The following CR1L variants were observed in gnomAD, a reference collection of about 807,000 sequenced individuals.
CR1L encodes complement C3b/C4b receptor 1 like, also known as complement component receptor 1-like protein.
Under a neutral mutation model 62.3 loss-of-function variants are expected in CR1L, and 59 were observed. The ratio of observed to expected loss-of-function variants is 0.95; its 90% CI spans 0.77 to 1.18. The LOEUF is 1.18. Ranked by LOEUF, CR1L falls within the 50% of genes most tolerant of loss-of-function variation. The pLI is 0.00. For missense variants in CR1L, 700 were observed against 702.8 expected (o/e 1.00, Z 0.04); for synonymous variants, 279 against 248.7 (o/e 1.12, Z -1.15).
At chr1:207,657,417 T>G (rs1663333979) in intron 1 of CR1L, 1 of 607,520 alleles carries the variant, frequency 1.6e-6, no homozygotes, top group Non-Finnish European at 2.9e-6. Flanking sequence ...ATGTGCTTCC[T>G]CCTCCTGTGT....
chr1:207,718,013 T>G (rs1252029143), intron 11 of CR1L, among the ~76,000 whole-genome samples: 1 of 152,198 alleles, frequency 6.6e-6, no homozygotes, highest in African/African-American at 2.4e-5. Context: ...ATGTACTCTT[T>G]TATTCTACCC....
intron 3 of CR1L, among the ~76,000 whole-genome samples, chr1:207,680,223 G>A (rs1663774063): frequency 6.6e-6 from 1 of 152,172 alleles, no homozygotes. Context: ...GAGTATATAG[G>A]AAATCTCTGT....
At position 207,655,604 on chromosome 1, in the gene CR1L, C is replaced by A. The variant is rs144153173; in HGVS notation, c.97+10274C>A. Among the ~76,000 whole-genome samples, 30 of 152,232 alleles carry A rather than the reference C, an allele frequency of 2.0e-4. No individual in the cohort carries two copies. The East Asian group carries it at 5.0e-3, about 26-fold the overall frequency. Reference sequence around the variant, plus strand: ...TACAGGCATGTGCCACCATACCTGGCTTTTTGTAACTTTTGTAGAGACGTG... The same window carrying A: ...TACAGGCATGTGCCACCATACCTGGATTTTTGTAACTTTTGTAGAGACGTG... On this transcript the variant is annotated intron_variant, in intron 1 of 11. Transcript: ENST00000508064.
intron 1 of CR1L, among the ~76,000 whole-genome samples, chr1:207,651,094 T>C (rs1417192275): frequency 1.3e-5 from 2 of 152,172 alleles, no homozygotes; most frequent in Non-Finnish European, 2.9e-5. Context: ...CCAGTGTAGA[T>C]AATTCACTTT....
chr1:207,711,665 G>T (rs10863505), intron 10 of CR1L, among the ~76,000 whole-genome samples: 92,673 of 151,996 alleles, frequency 0.61, 28,971 homozygotes, highest in East Asian at 0.87. Context: ...CCAGCACTTT[G>T]GGAGGCCAAG....
chr1:207,660,981 C>A (rs1169627449), intron 1 of CR1L, among the ~76,000 whole-genome samples: 1 of 152,128 alleles, frequency 6.6e-6, no homozygotes, highest in African/African-American at 2.4e-5. Context: ...ATCCTGAGTT[C>A]TAGTTTGATT....
intron 10 of CR1L, among the ~76,000 whole-genome samples, chr1:207,714,659 G>A (rs1000294141): frequency 5.9e-5 from 9 of 152,062 alleles, no homozygotes; most frequent in Non-Finnish European, 1.2e-4. Flanking sequence ...GGATTCTTTG[G>A]CATTTACAAA....
intron 1 of CR1L, among the ~76,000 whole-genome samples, chr1:207,667,160 T>A (rs1009913336): frequency 6.6e-6 from 1 of 152,256 alleles, no homozygotes; most frequent in Non-Finnish European, 1.5e-5. Flanking sequence ...AAACTTTCGC[T>A]GCTTAACCTT....
chr1:207,697,901 G>C (rs369037746), intron 7 of CR1L, 28 bp downstream of exon 7: 5 of 1,613,562 alleles, frequency 3.1e-6, no homozygotes, highest in Non-Finnish European at 4.2e-6. Flanking sequence ...TGACCTGCTG[G>C]ACATTGAAAT....
intron 1 of CR1L, among the ~76,000 whole-genome samples, chr1:207,647,648 G>A (rs1279957795): frequency 6.6e-6 from 1 of 152,156 alleles, no homozygotes; most frequent in South Asian, 2.1e-4. Flanking sequence ...CTGGGGCTTA[G>A]AGCCTAGGAA....
rs535142578 is a variant in CR1L, at chr1:207,705,962, G to A, written c.1329-2216G>A. On this transcript the variant is annotated intron_variant, in intron 9 of 11. Coordinates refer to ENST00000508064, the MANE Select transcript of CR1L (RefSeq NM_175710.2). The stretch of plus-strand genomic sequence containing the variant: ...ACACGAATGAATATATGTAGTCAGT[G>A]TGTTTATATATTTCATTTCATATAT... Among the ~76,000 whole-genome samples the A allele has an allele frequency of 6.0e-5, 9 of 150,586 alleles. No individual in the cohort carries two copies. The East Asian group carries it at 1.7e-3, about 29-fold the overall frequency.
intron 8 of CR1L, among the ~76,000 whole-genome samples, chr1:207,700,556 C>G (rs35823863): frequency 0.18 from 27,879 of 152,094 alleles, 3,093 homozygotes; most frequent in Non-Finnish European, 0.26. Flanking sequence ...ATCAACAGAC[C>G]TTGACATTTT....
intron 9 of CR1L, 56 bp from the exon 10 acceptor site, chr1:207,708,122 G>C: frequency 1.3e-6 from 2 of 1,580,236 alleles, no homozygotes; most frequent in East Asian, 2.3e-5. Context: ...TATGCATGCT[G>C]TCAGGAAGTT....
intron 9 of CR1L, among the ~76,000 whole-genome samples, chr1:207,706,971 T>C (rs1358662703): frequency 6.6e-6 from 1 of 152,158 alleles, no homozygotes; most frequent in Non-Finnish European, 1.5e-5. Flanking sequence ...CAGGAAAAGG[T>C]AGGCTAGACT....
At chr1:207,657,129 T>G (rs1043003332) in intron 1 of CR1L, 1 of 754,944 alleles carries the variant, frequency 1.3e-6, no homozygotes, top group African/African-American at 1.7e-5. Context: ...TAAGAGATTT[T>G]GTGCACATGA....
chr1:207,652,403 C>G, intron 1 of CR1L: 1 of 610,622 alleles, frequency 1.6e-6, no homozygotes, highest in Non-Finnish European at 3.0e-6. Context: ...TACCAGCACT[C>G]AGGTAAAAGC....
rs772795151 is a variant in CR1L at position 207,645,255 on chromosome 1, G to A, written c.22G>A (p.Glu8Lys). The A allele has an allele frequency of 7.4e-6, 12 of 1,613,332 alleles. No homozygotes were observed. The highest frequency in any genetic ancestry group is 2.2e-5 in the East Asian group (1 of 44,878). ...GCTCATGGCGCCTCCCGTCCGTCTC[G>A]AGCGTCCCTTTCCTTCCCGGCGCTT... is the stretch of plus-strand genomic sequence containing the variant. MAPPVRL[E>K]RPFPSRRFPG... Residue 8 changes from glutamate (E) to lysine (K), a missense_variant, in exon 1 of 12, where the codon GAG (glutamate) becomes AAG (lysine). Transcript: ENST00000508064.
At chr1:207,676,815 C>T (rs1318850997) in intron 1 of CR1L, among the ~76,000 whole-genome samples, 1 of 152,086 alleles carries the variant, frequency 6.6e-6, no homozygotes, top group Non-Finnish European at 1.5e-5. Flanking sequence ...CCACCATGCT[C>T]TGCTAATTTT....
At position 207,678,202 on chromosome 1, in the gene CR1L, A is replaced by T. The variant is rs1429710611; in HGVS notation, c.282A>T (p.Lys94Asn). Residue 94 changes from lysine (K) to asparagine (N), a missense_variant, in exon 3 of 12, where the codon AAA (lysine) becomes AAT (asparagine). Lys to Asn is a moderately conservative substitution (Grantham distance 94, BLOSUM62 0). Transcript: ENST00000508064. ...ATTTCTGTTTCTTTCCTGTAGGTAA[A>T]TCATGTCGTAATCCTCCAGATCCTG... Reference protein sequence around the residue: ...WTSAKDKCKRKSCRNPPDPVN... With the variant: ...WTSAKDKCKRNSCRNPPDPVN... 1 of 1,613,612 alleles carries T rather than the reference A, an allele frequency of 6.2e-7. No individual in the cohort carries two copies. The highest frequency in any genetic ancestry group is 1.7e-5 in the Admixed American group (1 of 59,996).
Sources: gnomAD v4.1 joint callset for allele counts (sites outside exome capture counted in the v4.1 genomes callset) on GRCh38, gnomAD v4.1.1 for gene constraint, MANE v1.5 for transcripts, NCBI Gene and HGNC (gene_info 2026-07-23, HGNC 2026-07-21) for gene names.